The following TLL1 variants were observed in gnomAD, a reference collection of about 807,000 sequenced individuals.
TLL1 encodes tolloid-like protein 1.
TLL1 carries 49 observed loss-of-function variants against 128.2 expected under a neutral mutation model. The ratio of observed to expected loss-of-function variants is 0.38; its 90% CI spans 0.30 to 0.48. TLL1 has a LOEUF of 0.48. Ranked by LOEUF, TLL1 falls within the 20% of genes least tolerant of loss-of-function variation. TLL1 has a pLI of 0.96. For synonymous variants in TLL1, 454 were observed against 418.8 expected (o/e 1.08, Z -1.03); for missense variants, 1,123 against 1,242.0 (o/e 0.90, Z 1.44).
At chr4:165,895,818 A>C (rs1731651720) in intron 1 of TLL1, among the ~76,000 whole-genome samples, 1 of 152,122 alleles carries the variant, frequency 6.6e-6, no homozygotes. Context: ...TTTTGGCATC[A>C]AGAGCAACAG....
chr4:165,933,793 T>C (rs1421806193), intron 1 of TLL1, among the ~76,000 whole-genome samples: 3 of 152,140 alleles, frequency 2.0e-5, no homozygotes, highest in African/African-American at 7.2e-5. Flanking sequence ...TCTCCACTTC[T>C]GCTTTTCTTC....
intron 8 of TLL1, among the ~76,000 whole-genome samples, chr4:166,018,576 A>G (rs568795184): frequency 6.6e-5 from 10 of 152,314 alleles, no homozygotes; most frequent in African/African-American, 2.4e-4. Context: ...TCTAAAATCC[A>G]GAATCTATAA....
Position 166,056,856 on chromosome 4 carries a change from C to T in TLL1, c.1721-328C>T, listed in dbSNP as rs181021020. Among the ~76,000 whole-genome samples, 187 of 152,176 alleles carry T rather than the reference C, an allele frequency of 1.2e-3. 3 individuals carry two copies. The Middle Eastern group carries it at 0.037, about 30-fold the overall frequency. On this transcript the variant is annotated intron_variant, in intron 13 of 20. Coordinates refer to ENST00000061240, the MANE Select transcript of TLL1 (RefSeq NM_012464.5). ...GTTAGCAGCAACATGAATTTGTATACGTTATCCATCAGGGGCTTATACGTT... is the reference window on the plus strand; with the variant it reads ...GTTAGCAGCAACATGAATTTGTATATGTTATCCATCAGGGGCTTATACGTT...
In TLL1 at chr4:166,077,988, C is replaced by T. The variant is rs530187422; in HGVS notation, c.2400C>T (p.Cys800=). 9 of 1,613,726 alleles carry T rather than the reference C, an allele frequency of 5.6e-6. No homozygotes were observed. The South Asian group carries it at 6.6e-5, about 12-fold the overall frequency. ...WPDKYPSRKE[C]TWEISATPGH... is the part of the protein sequence containing the mutation. ...ACAAGTACCCAAGCAGGAAAGAATG[C>T]ACTTGGGAAATCAGCGCCACTCCTG... The change falls in exon 18 of 21, where the codon TGC becomes TGT. Residue 800 remains cysteine (C), a synonymous_variant. Transcript: ENST00000061240.
chr4:165,917,689 A>G (rs962273437), intron 1 of TLL1, among the ~76,000 whole-genome samples: 3 of 152,094 alleles, frequency 2.0e-5, no homozygotes, highest in Non-Finnish European at 4.4e-5. Context: ...ACAGTTGTTT[A>G]CCCCAAAGCA....
chr4:166,039,440 T>C lies in TLL1; in HGVS notation c.1260T>C (p.Leu420=), dbSNP rs1241496404. 3.0e-5 allele frequency: 48 copies of C among 1,606,658 alleles called. No homozygotes were observed. Among genetic ancestry groups the C allele is most frequent in the Non-Finnish European group, 3.7e-5 (44 of 1,173,722 alleles). The change falls in exon 10 of 21, where the codon CTT becomes CTC. Residue 420 remains leucine (L), a splice_region_variant and synonymous_variant. Transcript: ENST00000061240. The stretch of plus-strand genomic sequence containing the variant: ...GGTACTGGAGAAAATCACCTCTCCT[T>C]GGTAAGATATCCTTTCCCTTTTATG... The part of the protein sequence containing the change: ...RDGYWRKSPL[L]GRFCGDKLPE...
At chr4:166,067,925 A>T (rs1236806688) in intron 16 of TLL1, among the ~76,000 whole-genome samples, 2 of 151,808 alleles carry the variant, frequency 1.3e-5, no homozygotes, top group African/African-American at 4.8e-5. Flanking sequence ...CCATTCTCTT[A>T]ACCGTAAGAA....
intron 1 of TLL1, among the ~76,000 whole-genome samples, chr4:165,894,696 G>A (rs1322567545): frequency 6.6e-6 from 1 of 152,036 alleles, no homozygotes; most frequent in East Asian, 1.9e-4. Flanking sequence ...CTTATCTTTA[G>A]GGAAAAAGCA....
intron 1 of TLL1, among the ~76,000 whole-genome samples, chr4:165,888,454 G>T (rs898447676): frequency 6.6e-6 from 1 of 151,734 alleles, no homozygotes; most frequent in Non-Finnish European, 1.5e-5. Context: ...GCAGTTTATT[G>T]TTACTTTGTT....
intron 1 of TLL1, among the ~76,000 whole-genome samples, chr4:165,944,364 T>C (rs1424725990): frequency 1.3e-5 from 2 of 152,136 alleles, no homozygotes; most frequent in African/African-American, 2.4e-5. Context: ...GTTAAGGGTA[T>C]ATTCCTTCAC....
At chr4:165,927,729 G>A (rs1289176891) in intron 1 of TLL1, among the ~76,000 whole-genome samples, 1 of 152,170 alleles carries the variant, frequency 6.6e-6, no homozygotes, top group Non-Finnish European at 1.5e-5. Flanking sequence ...ACATTTGGGG[G>A]TGGAGTGTGT....
intron 12 of TLL1, among the ~76,000 whole-genome samples, chr4:166,047,299 G>C (rs1198190209): frequency 2.0e-5 from 3 of 151,292 alleles, no homozygotes; most frequent in African/African-American, 7.3e-5. Flanking sequence ...CGAGTAGCTG[G>C]GACTACAGGC....
At chr4:165,971,410 C>A (rs1735623176) in intron 1 of TLL1, among the ~76,000 whole-genome samples, 1 of 152,196 alleles carries the variant, frequency 6.6e-6, no homozygotes, top group African/African-American at 2.4e-5. Context: ...TTACTCCATT[C>A]CCATTGTTGT....
intron 1 of TLL1, among the ~76,000 whole-genome samples, chr4:165,957,749 A>G (rs1414249273): frequency 2.0e-5 from 3 of 149,492 alleles, no homozygotes; most frequent in Non-Finnish European, 4.4e-5. Context: ...TTTAGGGTAC[A>G]TGTGCACAAT....
intron 1 of TLL1, among the ~76,000 whole-genome samples, chr4:165,909,504 C>A (rs1385258194): frequency 2.6e-5 from 4 of 152,144 alleles, no homozygotes; most frequent in Admixed American, 1.3e-4. Context: ...GGACTTAGGT[C>A]TGGGACATTT....
Position 165,918,681 on chromosome 4 carries a change from G to A in TLL1, c.169+44608G>A, listed in dbSNP as rs191289208. On this transcript the variant is annotated intron_variant, in intron 1 of 20. Transcript: ENST00000061240. ...ATAGCATCTTGGTCTCCTCTTACAC[G>A]GTGGTTTCTCCCCTCTCCCACGATG... Among the ~76,000 whole-genome samples, 4 of 151,978 alleles carry A rather than the reference G, an allele frequency of 2.6e-5. No individual in the cohort carries two copies. In the East Asian group the frequency reaches 7.8e-4, roughly 30 times the overall value.
At chr4:166,063,243 C>G (rs925493072) in intron 15 of TLL1, among the ~76,000 whole-genome samples, 1 of 152,114 alleles carries the variant, frequency 6.6e-6, no homozygotes, top group African/African-American at 2.4e-5. Context: ...TGAAAAAATG[C>G]TCATCATCAC....
chr4:165,960,270 T>C (rs988071337), intron 1 of TLL1, among the ~76,000 whole-genome samples: 1 of 151,856 alleles, frequency 6.6e-6, no homozygotes, highest in African/African-American at 2.4e-5. Flanking sequence ...CAGAAAGAAA[T>C]TGAAACCCTG....
chr4:166,095,352 T>A (rs1040363488), intron 19 of TLL1, among the ~76,000 whole-genome samples: 5 of 151,830 alleles, frequency 3.3e-5, no homozygotes, highest in Non-Finnish European at 5.9e-5. Flanking sequence ...TTTATTTTAA[T>A]AGGTAACAAA....
Sources: gnomAD v4.1 joint callset for allele counts (sites outside exome capture counted in the v4.1 genomes callset) on GRCh38, gnomAD v4.1.1 for gene constraint, MANE v1.5 for transcripts, NCBI Gene and HGNC (gene_info 2026-07-23, HGNC 2026-07-21) for gene names.